PTPN5: variants seen among roughly 807,000 people sequenced by gnomAD.
PTPN5 encodes the protein tyrosine-protein phosphatase non-receptor type 5.
PTPN5 carries 29 observed loss-of-function variants against 73.9 expected under a neutral mutation model. That is an observed-to-expected ratio of 0.39 (90% CI 0.29 to 0.54). The LOEUF is 0.54. Ranked by LOEUF, PTPN5 falls within the 20% of genes least tolerant of loss-of-function variation. The probability of loss-of-function intolerance (pLI) is 0.65; values close to 1 mark genes in which losing one functional copy is unlikely to be tolerated. For missense variants in PTPN5, 652 were observed against 751.4 expected, an observed-to-expected ratio of 0.87 and a Z score of 1.55; for synonymous variants, 267 against 304.7, an observed-to-expected ratio of 0.88 and a Z score of 1.29.
In PTPN5 at chr11:18,742,743, G is replaced by A. The variant is rs987480048; in HGVS notation, c.484-240C>T. On this transcript the variant is annotated intron_variant, in intron 6 of 14. Transcript: ENST00000358540. This position sits in a 1 kb window ranked among gnomAD's most constrained non-coding sequence, Gnocchi z 4.1. ...TCTTGTGGCTTCAGGCCTTCTCAGT[G>A]GGGCTTGGGAGTTCCTACACCAGTC... Among the ~76,000 whole-genome samples the A allele has an allele frequency of 6.6e-6, 1 of 152,156 alleles. No homozygotes were observed. Among genetic ancestry groups the A allele is most frequent in the African/African-American group, 2.4e-5 (1 of 41,430 alleles).
chr11:18,746,160 T>C (rs981023682), intron 3 of PTPN5, among the ~76,000 whole-genome samples: 2 of 86,072 alleles, frequency 2.3e-5, no homozygotes, highest in Admixed American at 1.5e-4. Flanking sequence ...GTTATAAATA[T>C]AAATATATAT....
At chr11:18,746,162 AATATATATATATAT>A (rs773490900) in intron 3 of PTPN5, among the ~76,000 whole-genome samples, 19 of 67,638 alleles carry the variant, frequency 2.8e-4, no homozygotes, top group East Asian at 8.1e-4. Context: ...TATAAATATA[AATATATATATATAT>A]ATATATATAT....
chr11:18,748,908 C>G (rs548355444), intron 3 of PTPN5, among the ~76,000 whole-genome samples: 1 of 152,164 alleles, frequency 6.6e-6, no homozygotes, highest in East Asian at 1.9e-4. Context: ...TCCACTTGCA[C>G]GGACCACTGT....
In PTPN5 at chr11:18,772,994, G is replaced by A. The variant is rs147679720; in HGVS notation, c.-113-923C>T. Among the ~76,000 whole-genome samples the A allele has an allele frequency of 7.7e-3, 1,177 of 151,928 alleles. 14 individuals carry two copies. The highest frequency in any genetic ancestry group is 0.026 in the African/African-American group (1,090 of 41,394). On this transcript the variant is annotated intron_variant, in intron 1 of 14. Transcript: ENST00000358540. ...GAAAGAGGAGTGGGGGTGAGAGGCCGTGGGATGAGACAGGAGGGGGTGGGG... is the reference window on the plus strand; with the variant it reads ...GAAAGAGGAGTGGGGGTGAGAGGCCATGGGATGAGACAGGAGGGGGTGGGG...
At chr11:18,786,189 T>TG (rs949502389) in intron 1 of PTPN5, among the ~76,000 whole-genome samples, 1 of 132,426 alleles carries the variant, frequency 7.6e-6, no homozygotes, top group Admixed American at 8.8e-5. Flanking sequence ...TGTTAAAGAA[T>TG]GGGGGGAATC....
intron 3 of PTPN5, 34 bp from the exon 4 acceptor site, chr11:18,744,233 C>T (rs761568851): frequency 8.9e-6 from 13 of 1,456,778 alleles, no homozygotes; most frequent in African/African-American, 2.9e-5. Flanking sequence ...CCGATGACTC[C>T]GGCCCTGTCC....
At chr11:18,758,138 T>C (rs989471269) in intron 3 of PTPN5, among the ~76,000 whole-genome samples, 3 of 152,190 alleles carry the variant, frequency 2.0e-5, no homozygotes, top group African/African-American at 7.2e-5. Flanking sequence ...AAAGAGGATG[T>C]GCTGGTGGAT....
chr11:18,754,034 C>G (rs1311311598), intron 3 of PTPN5, among the ~76,000 whole-genome samples: 3 of 152,188 alleles, frequency 2.0e-5, no homozygotes, highest in African/African-American at 7.2e-5. Context: ...GGGGGCACAG[C>G]AGTGGGACAT....
At position 18,729,355 on chromosome 11, in the gene PTPN5, T is replaced by C; in HGVS notation, c.1604+98A>G. Reference sequence around the variant, plus strand: ...TCAGTCCGTGCCAGTGTTTTCCATCTGCCCCTCACCCCCCGCCCATGCACA... The same window carrying C: ...TCAGTCCGTGCCAGTGTTTTCCATCCGCCCCTCACCCCCCGCCCATGCACA... On this transcript the variant is annotated intron_variant, in intron 14 of 14. Coordinates refer to ENST00000358540, the MANE Select transcript of PTPN5 (RefSeq NM_006906.2). This position sits in a 1 kb window ranked among gnomAD's most constrained non-coding sequence, Gnocchi z 5.2. The C allele has an allele frequency of 1.5e-6, 1 of 682,724 alleles. No homozygotes were observed. Among genetic ancestry groups the C allele is most frequent in the South Asian group, 1.6e-5 (1 of 61,652 alleles). 42.3% of individuals were successfully genotyped at this position (682,724 alleles called of 1,614,324 possible). A position where few individuals can be genotyped will look rare whatever the true frequency, so the allele number is the denominator to read the frequency against.
chr11:18,761,900 G>A (rs999259820), intron 3 of PTPN5, among the ~76,000 whole-genome samples: 2 of 152,208 alleles, frequency 1.3e-5, no homozygotes, highest in Admixed American at 6.5e-5. Flanking sequence ...GTGTGCGTCC[G>A]CCCCTGCAGG....
intron 2 of PTPN5, 92 bp from the exon 3 acceptor site, chr11:18,765,975 T>A: frequency 1.1e-6 from 1 of 931,804 alleles, no homozygotes; most frequent in South Asian, 1.4e-5. Flanking sequence ...CTCTCCTGTA[T>A]TCTGTATCCC....
intron 2 of PTPN5, 114 bp from the exon 3 acceptor site, chr11:18,765,997 C>T: frequency 1.3e-6 from 1 of 798,382 alleles, no homozygotes; most frequent in Non-Finnish European, 2.1e-6. Flanking sequence ...TTGAATAACC[C>T]CACCCCATCA....
intron 1 of PTPN5, among the ~76,000 whole-genome samples, chr11:18,784,787 C>A (rs1224498367): frequency 2.0e-5 from 3 of 151,988 alleles, no homozygotes; most frequent in Non-Finnish European, 4.4e-5. Flanking sequence ...TGACCTTGAC[C>A]CCCTGGCCCA....
intron 1 of PTPN5, among the ~76,000 whole-genome samples, chr11:18,776,255 A>G (rs1232992806): frequency 2.0e-5 from 3 of 151,968 alleles, no homozygotes; most frequent in Non-Finnish European, 4.4e-5. Context: ...TCCTACCTAT[A>G]ATGCTTTAGG....
At chr11:18,781,897 A>G (rs1317220239) in intron 1 of PTPN5, among the ~76,000 whole-genome samples, 1 of 152,108 alleles carries the variant, frequency 6.6e-6, no homozygotes, top group African/African-American at 2.4e-5. Flanking sequence ...CACAGAAGAG[A>G]CCCGAAGGAC....
rs1046687330 is a variant in PTPN5, at chr11:18,743,963, C to T, written c.291+43G>A. On this transcript the variant is annotated intron_variant, in intron 4 of 14. Transcript: ENST00000358540. ...AGGAAGTGGGAGGCTGGCCCTCCAC[C>T]CACCCTCTCTCCAGACCCTTGTGAG... 4 of 1,519,740 alleles carry T rather than the reference C, an allele frequency of 2.6e-6. No homozygotes were observed. The Admixed American group carries it at 7.4e-5, about 28-fold the overall frequency. The allele number at this position is 1,519,740 out of a possible 1,614,324, so 94.1% of individuals were successfully genotyped here.
chr11:18,752,370 G>GA (rs1435740680), intron 3 of PTPN5, among the ~76,000 whole-genome samples: 1 of 152,280 alleles, frequency 6.6e-6, no homozygotes, highest in East Asian at 1.9e-4. Context: ...GGGGAAAGGG[G>GA]AGAGTGAGGG....
At chr11:18,749,527 G>A (rs1176859616) in intron 3 of PTPN5, 3 of 518,426 alleles carry the variant, frequency 5.8e-6, no homozygotes, top group South Asian at 2.8e-5. Flanking sequence ...CTGCATGGGG[G>A]CCACGGTGCA....
rs763725850 is a variant in PTPN5 at position 18,729,615 on chromosome 11, G to A, written c.1490+43C>T. The A allele has an allele frequency of 2.6e-6, 4 of 1,568,100 alleles. No individual in the cohort carries two copies. Among genetic ancestry groups the A allele is most frequent in the Non-Finnish European group, 3.5e-6 (4 of 1,154,944 alleles). On this transcript the variant is annotated intron_variant, in intron 13 of 14. Transcript: ENST00000358540. This position sits in a 1 kb window ranked among gnomAD's most constrained non-coding sequence, Gnocchi z 5.2. The stretch of plus-strand genomic sequence containing the variant: ...GGTGAGGGGCAGGGCAGCCCAGCGG[G>A]TGGGGGGCTGCCCCGCTCCAGTGGC...
Sources: gnomAD v4.1 joint callset for allele counts (sites outside exome capture counted in the v4.1 genomes callset) on GRCh38, gnomAD v4.1.1 for gene constraint, Gnocchi (gnomAD v3.1) non-coding constraint, MANE v1.5 for transcripts, NCBI Gene and HGNC (gene_info 2026-07-23, HGNC 2026-07-21) for gene names.